The following EGFLAM variants were observed in gnomAD, a reference collection of about 807,000 sequenced individuals.
EGFLAM encodes pikachurin.
In EGFLAM, 79 loss-of-function variants were observed where a neutral mutation model predicts 113.1. The observed-to-expected ratio is 0.70, with a 90% CI of 0.58 to 0.84. EGFLAM has a LOEUF of 0.84. Among genes scored for constraint, EGFLAM ranks in the 40% least tolerant of loss-of-function variants. EGFLAM has a pLI of 0.00. For missense variants in EGFLAM, 1,265 were observed against 1,291.6 expected (o/e 0.98, Z 0.32); for synonymous variants, 504 against 487.6 (o/e 1.03, Z -0.44).
At chr5:38,328,723 G>GTTTTTTTTTTTTTTTTTTTTTTTAATTTT (rs3077265) in intron 1 of EGFLAM, among the ~76,000 whole-genome samples, 2 of 103,026 alleles carry the variant, frequency 1.9e-5, no homozygotes, top group African/African-American at 3.6e-5. Flanking sequence ...AGCTATACTT[G>GTTTTTTTTTTTTTTTTTTTTTTTAATTTT]TTTTTTTTTT....
chr5:38,444,563 C>T (rs1400941431), intron 17 of EGFLAM, among the ~76,000 whole-genome samples: 1 of 152,014 alleles, frequency 6.6e-6, no homozygotes, highest in Non-Finnish European at 1.5e-5. Flanking sequence ...CACTATGTAC[C>T]CCATAAATAT....
At chr5:38,284,981 A>G (rs1214178299) in intron 1 of EGFLAM, among the ~76,000 whole-genome samples, 1 of 152,244 alleles carries the variant, frequency 6.6e-6, no homozygotes, top group Non-Finnish European at 1.5e-5. Flanking sequence ...TTATAAAGAA[A>G]AAACAAGACT....
At position 38,451,504 on chromosome 5, in the gene EGFLAM, C is replaced by T. The variant is rs765552306; in HGVS notation, c.2687+46C>T. 6.3e-6 allele frequency: 10 copies of T among 1,596,736 alleles called. No individual in the cohort carries two copies. The Middle Eastern group carries it at 6.7e-4, about 107-fold the overall frequency. ...CTTCAGCAGCACCTTGCGATTTTCT[C>T]AGACATTGCAGATCATGCCAGAGTG... On this transcript the variant is annotated intron_variant, in intron 19 of 21. Coordinates refer to ENST00000322350, the MANE Select transcript of EGFLAM (RefSeq NM_152403.4).
intron 6 of EGFLAM, among the ~76,000 whole-genome samples, chr5:38,400,771 G>A (rs1741089557): frequency 2.0e-5 from 3 of 152,156 alleles, no homozygotes; most frequent in Non-Finnish European, 4.4e-5. Context: ...GCAGCAGCAG[G>A]AGCCCAGAAT....
intron 6 of EGFLAM, among the ~76,000 whole-genome samples, chr5:38,377,572 C>T (rs1031691891): frequency 6.6e-6 from 1 of 152,192 alleles, no homozygotes; most frequent in African/African-American, 2.4e-5. Context: ...GGATAACTCC[C>T]TACTGCTACT....
At chr5:38,350,667 A>G (rs182176656) in intron 4 of EGFLAM, 49 bp downstream of exon 4, 1 of 1,543,822 alleles carries the variant, frequency 6.5e-7, no homozygotes, top group Non-Finnish European at 8.9e-7. Flanking sequence ...CTATCCATGC[A>G]TCCTTCATTC....
intron 20 of EGFLAM, among the ~76,000 whole-genome samples, chr5:38,459,319 T>TA (rs1267096946): frequency 6.6e-6 from 1 of 151,136 alleles, no homozygotes; most frequent in Non-Finnish European, 1.5e-5. Flanking sequence ...TTTTTTTTTT[T>TA]ACACATTACC....
intron 1 of EGFLAM, among the ~76,000 whole-genome samples, chr5:38,260,047 A>AT (rs1757460364): frequency 6.6e-6 from 1 of 152,106 alleles, no homozygotes; most frequent in African/African-American, 2.4e-5. Flanking sequence ...GGTCATTATC[A>AT]TAATCTACAC....
chr5:38,266,609 T>C (rs1015366110), intron 1 of EGFLAM, among the ~76,000 whole-genome samples: 2 of 152,216 alleles, frequency 1.3e-5, no homozygotes, highest in East Asian at 3.8e-4. Flanking sequence ...TGGTTACATG[T>C]GATGTAACTT....
chr5:38,465,039 T>G lies in EGFLAM; in HGVS notation c.*1053T>G, dbSNP rs1743423315. On this transcript the variant is annotated 3_prime_UTR_variant, in exon 22 of 22. Transcript: ENST00000322350. ...AGAACTTATTCATTCATTCATTCAC[T>G]TATGGAGTTGTTACTGATTTTGCGG... The G allele has an allele frequency of 6.6e-6, 1 of 152,220 alleles. No homozygotes were observed. Among genetic ancestry groups the G allele is most frequent in the South Asian group, 2.1e-4 (1 of 4,830 alleles). The allele number at this position is 152,220 out of a possible 1,614,324, so 9.4% of individuals were successfully genotyped here.
intron 6 of EGFLAM, among the ~76,000 whole-genome samples, chr5:38,379,505 C>T (rs1361369927): frequency 6.6e-6 from 1 of 151,876 alleles, no homozygotes; most frequent in African/African-American, 2.4e-5. Context: ...AGTTAATCTT[C>T]CCTGGTAATG....
chr5:38,426,956 T>G, intron 13 of EGFLAM, 53 bp from the exon 14 acceptor site: 4 of 1,599,636 alleles, frequency 2.5e-6, no homozygotes, highest in Non-Finnish European at 3.4e-6. Context: ...TGGGTGCACA[T>G]CTGGCCAGTT....
At chr5:38,270,501 A>C (rs1757740754) in intron 1 of EGFLAM, among the ~76,000 whole-genome samples, 2 of 151,562 alleles carry the variant, frequency 1.3e-5, no homozygotes, top group Admixed American at 6.6e-5. Context: ...AAAAAAAAAA[A>C]CAACAAGCAT....
chr5:38,426,858 C>A, intron 13 of EGFLAM, 151 bp from the exon 14 acceptor site: 1 of 1,184,628 alleles, frequency 8.4e-7, no homozygotes, highest in Non-Finnish European at 1.2e-6. Context: ...GTTCTACTGG[C>A]CAGAATTCAG....
chr5:38,348,969 T>A (rs1358960744), intron 3 of EGFLAM, among the ~76,000 whole-genome samples: 1 of 152,194 alleles, frequency 6.6e-6, no homozygotes, highest in Admixed American at 6.5e-5. Flanking sequence ...TTAAGTGGTC[T>A]GGAGTGGAGT....
chr5:38,461,851 C>T (rs2112296674), intron 20 of EGFLAM, among the ~76,000 whole-genome samples: 1 of 152,288 alleles, frequency 6.6e-6, no homozygotes, highest in Non-Finnish European at 1.5e-5. Flanking sequence ...CACTTTAGGG[C>T]TCTGTGGGTC....
chr5:38,364,192 G>A (rs539321924), intron 5 of EGFLAM, among the ~76,000 whole-genome samples: 1 of 152,290 alleles, frequency 6.6e-6, no homozygotes, highest in South Asian at 2.1e-4. Context: ...AAGAGATTTA[G>A]GGATGAATAA....
intron 1 of EGFLAM, among the ~76,000 whole-genome samples, chr5:38,277,427 T>G (rs1820695): frequency 0.62 from 94,576 of 151,984 alleles, 30,541 homozygotes; most frequent in African/African-American, 0.79. Flanking sequence ...CATAATAAAG[T>G]CTGTATATGA....
At chr5:38,451,522 C>A in intron 19 of EGFLAM, 64 bp downstream of exon 19, 1 of 1,568,556 alleles carries the variant, frequency 6.4e-7, no homozygotes, top group South Asian at 1.2e-5. Flanking sequence ...GCAGATCATG[C>A]CAGAGTGATT....
Sources: gnomAD v4.1 joint callset for allele counts (sites outside exome capture counted in the v4.1 genomes callset) on GRCh38, gnomAD v4.1.1 for gene constraint, MANE v1.5 for transcripts, NCBI Gene and HGNC (gene_info 2026-07-23, HGNC 2026-07-21) for gene names.